The following CR1L variants were observed in gnomAD, a reference collection of about 807,000 sequenced individuals.
CR1L encodes the protein complement component receptor 1-like protein.
A neutral mutation model predicts 62.3 loss-of-function variants in CR1L; 59 were observed. That is an observed-to-expected ratio of 0.95 (90% CI 0.77 to 1.18). The LOEUF (loss-of-function observed/expected upper bound fraction) is 1.18, where lower values mean the gene tolerates loss of function less well. CR1L is among the 50% of genes most tolerant of loss of function. The pLI, the probability that CR1L is intolerant of heterozygous loss-of-function variation, is 0.00. For synonymous variants in CR1L, 279 were observed against 248.7 expected (o/e 1.12, Z -1.15); for missense variants, 700 against 702.8 (o/e 1.00, Z 0.04).
At chr1:207,656,288 A>G (rs2102442513) in intron 1 of CR1L, among the ~76,000 whole-genome samples, 1 of 152,326 alleles carries the variant, frequency 6.6e-6, no homozygotes, top group East Asian at 1.9e-4. Context: ...TATAAGGATG[A>G]GAGTGAAAAA....
intron 1 of CR1L, among the ~76,000 whole-genome samples, chr1:207,653,832 T>C (rs1174722132): frequency 1.3e-5 from 2 of 152,196 alleles, no homozygotes; most frequent in African/African-American, 4.8e-5. Context: ...AGATAATTCA[T>C]AAAGAAAAGA....
chr1:207,694,227 TA>T, intron 4 of CR1L, 125 bp from the exon 5 acceptor site: 6 of 1,212,188 alleles, frequency 4.9e-6, no homozygotes, highest in Non-Finnish European at 5.7e-6. Context: ...TACAACTTTG[TA>T]AAAATGTACC....
At chr1:207,721,460 C>A (rs1209407811) in intron 11 of CR1L, among the ~76,000 whole-genome samples, 1 of 150,588 alleles carries the variant, frequency 6.6e-6, no homozygotes. Context: ...TTCGTTCTTG[C>A]GATAGTTTAC....
At chr1:207,672,551 C>G (rs1237909561) in intron 1 of CR1L, among the ~76,000 whole-genome samples, 3 of 151,924 alleles carry the variant, frequency 2.0e-5, no homozygotes, top group Admixed American at 6.6e-5. Context: ...TTGAACTCAA[C>G]AGCACCATCA....
intron 1 of CR1L, among the ~76,000 whole-genome samples, chr1:207,648,787 A>G (rs1039019927): frequency 2.0e-5 from 3 of 152,254 alleles, no homozygotes; most frequent in African/African-American, 7.2e-5. Context: ...ATGCAAAAAG[A>G]GCAGTCCATA....
chr1:207,719,803 T>C (rs1052342430), intron 11 of CR1L, among the ~76,000 whole-genome samples: 1 of 152,166 alleles, frequency 6.6e-6, no homozygotes, highest in African/African-American at 2.4e-5. Context: ...GTATTCTTAT[T>C]GTCTCATTTT....
chr1:207,713,479 C>T (rs1393568155), intron 10 of CR1L, among the ~76,000 whole-genome samples: 1 of 152,238 alleles, frequency 6.6e-6, no homozygotes, highest in Non-Finnish European at 1.5e-5. Flanking sequence ...CAGAAACATC[C>T]CTGTCCAGGC....
At chr1:207,654,500 T>C (rs1254761877) in intron 1 of CR1L, among the ~76,000 whole-genome samples, 1 of 152,132 alleles carries the variant, frequency 6.6e-6, no homozygotes, top group East Asian at 1.9e-4. Context: ...GTTATTACAC[T>C]AAGAGTCCAG....
chr1:207,673,615 A>T (rs546628706), intron 1 of CR1L, among the ~76,000 whole-genome samples: 2 of 152,374 alleles, frequency 1.3e-5, no homozygotes, highest in African/African-American at 2.4e-5. Flanking sequence ...CCGAAATGAG[A>T]TAACAAAATA....
intron 4 of CR1L, among the ~76,000 whole-genome samples, chr1:207,689,223 A>T (rs1409606366): frequency 6.6e-6 from 1 of 152,044 alleles, no homozygotes; most frequent in Non-Finnish European, 1.5e-5. Flanking sequence ...ATGTATTGAG[A>T]TTATCATGTT....
intron 9 of CR1L, among the ~76,000 whole-genome samples, chr1:207,705,101 A>G (rs1171841421): frequency 2.6e-5 from 4 of 152,134 alleles, no homozygotes; most frequent in South Asian, 2.1e-4. Flanking sequence ...CAGAACTCCA[A>G]TTTCTTCTGT....
intron 4 of CR1L, among the ~76,000 whole-genome samples, chr1:207,693,481 C>T (rs1664026731): frequency 6.6e-6 from 1 of 152,164 alleles, no homozygotes; most frequent in African/African-American, 2.4e-5. Flanking sequence ...ATTACTTCTT[C>T]AAATGTTGTT....
intron 1 of CR1L, among the ~76,000 whole-genome samples, chr1:207,674,913 C>A (rs890575177): frequency 1.5e-4 from 22 of 151,396 alleles, no homozygotes; most frequent in African/African-American, 4.9e-4. Flanking sequence ...CTATCCAAAT[C>A]AGCTGTGAAA....
chr1:207,693,809 T>G (rs1352676887), intron 4 of CR1L, among the ~76,000 whole-genome samples: 1 of 152,150 alleles, frequency 6.6e-6, no homozygotes, highest in Non-Finnish European at 1.5e-5. Flanking sequence ...TAAATCTTTT[T>G]GAATGAATAT....
intron 1 of CR1L, among the ~76,000 whole-genome samples, chr1:207,664,937 T>C (rs912538132): frequency 6.6e-6 from 1 of 152,248 alleles, no homozygotes; most frequent in Non-Finnish European, 1.5e-5. Context: ...TGTAGTATAA[T>C]ACCACTTAAC....
intron 10 of CR1L, among the ~76,000 whole-genome samples, chr1:207,716,775 G>A (rs532832419): frequency 1.3e-5 from 2 of 152,110 alleles, no homozygotes; most frequent in African/African-American, 2.4e-5. Context: ...ACATAATTCC[G>A]ATAAACTTGG....
chr1:207,661,549 G>A (rs1438996332), intron 1 of CR1L, among the ~76,000 whole-genome samples: 2 of 152,182 alleles, frequency 1.3e-5, no homozygotes, highest in African/African-American at 4.8e-5. Flanking sequence ...CTCTGCACAT[G>A]AGATGGGTTT....
intron 4 of CR1L, among the ~76,000 whole-genome samples, chr1:207,691,392 G>C (rs929180781): frequency 6.6e-6 from 1 of 151,550 alleles, no homozygotes; most frequent in African/African-American, 2.4e-5. Flanking sequence ...AAGCTTGTCT[G>C]TTATAAACAT....
intron 1 of CR1L, among the ~76,000 whole-genome samples, chr1:207,649,967 A>C (rs1474077045): frequency 6.6e-6 from 1 of 152,206 alleles, no homozygotes; most frequent in African/African-American, 2.4e-5. Context: ...ACTACATAGA[A>C]TAAACGGGCA....
Sources: allele counts gnomAD v4.1 joint callset (sites outside exome capture counted in the v4.1 genomes callset), GRCh38; gene constraint gnomAD v4.1.1; transcripts MANE v1.5; gene names NCBI Gene and HGNC (gene_info 2026-07-23, HGNC 2026-07-21).